The following ZBTB20 variants were observed in gnomAD, a reference collection of about 807,000 sequenced individuals.
ZBTB20 encodes zinc finger and BTB domain-containing protein 20.
Under a neutral mutation model 56.9 loss-of-function variants are expected in ZBTB20, and 9 were observed. The observed-to-expected ratio is 0.16, with a 90% CI of 0.10 to 0.28. ZBTB20 has a LOEUF of 0.28. ZBTB20 is among the 10% of genes least tolerant of loss of function. ZBTB20 has a pLI of 1.00. For missense variants in ZBTB20, 655 were observed against 1,003.0 expected (o/e 0.65, Z 4.69); for synonymous variants, 417 against 420.7 (o/e 0.99, Z 0.11).
chr3:114,714,918 T>C (rs2108459989), intron 5 of ZBTB20, among the ~76,000 whole-genome samples: 1 of 152,320 alleles, frequency 6.6e-6, no homozygotes, highest in Admixed American at 6.5e-5. Flanking sequence ...TTAGAAGACA[T>C]TGTTTTGTTC....
At chr3:114,895,807 C>A (rs1313641964) in intron 4 of ZBTB20, among the ~76,000 whole-genome samples, 1 of 152,028 alleles carries the variant, frequency 6.6e-6, no homozygotes, top group African/African-American at 2.4e-5. Flanking sequence ...CACATATCCA[C>A]CATTAAAAAG....
intron 6 of ZBTB20, among the ~76,000 whole-genome samples, chr3:114,522,246 C>T (rs141259160): frequency 6.6e-6 from 1 of 152,072 alleles, no homozygotes; most frequent in Admixed American, 6.6e-5. Context: ...AGCAAACAAG[C>T]CTTATCTGGG....
rs904066397 is a variant in ZBTB20 at position 114,491,882 on chromosome 3, T to C, written c.-255+8470A>G. Among the ~76,000 whole-genome samples the C allele has an allele frequency of 1.6e-4, 25 of 152,314 alleles. No homozygotes were observed. The East Asian group carries it at 4.6e-3, about 28-fold the overall frequency. ...TCCTCATCCCATTACAAACACGTTA[T>C]TGTTTTGACCACTTCAACAAAACAG... On this transcript the variant is annotated intron_variant, in intron 7 of 11. Coordinates refer to ENST00000675478, the MANE Select transcript of ZBTB20 (RefSeq NM_001348800.3).
intron 6 of ZBTB20, among the ~76,000 whole-genome samples, chr3:114,570,298 T>G (rs977847727): frequency 1.3e-5 from 2 of 151,874 alleles, no homozygotes; most frequent in Non-Finnish European, 2.9e-5. Context: ...TTTTATTTCC[T>G]GACTTAAAAA....
At position 115,063,468 on chromosome 3, in the gene ZBTB20, T is replaced by C. The variant is rs189649752; in HGVS notation, c.-507+7751A>G. ...TGGAAGCAAGCTTCTATAAGGGCAC[T>C]ATTCCCATCTTGAGGGCCCCACCTT... On this transcript the variant is annotated intron_variant, in intron 2 of 11. Coordinates refer to ENST00000675478, the MANE Select transcript of ZBTB20 (RefSeq NM_001348800.3). Among the ~76,000 whole-genome samples, 163 of 152,306 alleles carry C rather than the reference T, an allele frequency of 1.1e-3. 5 individuals are homozygous for C. The East Asian group carries it at 0.027, about 25-fold the overall frequency.
At chr3:115,145,842 G>GGTA (rs1236737152) in intron 1 of ZBTB20, among the ~76,000 whole-genome samples, 5 of 152,156 alleles carry the variant, frequency 3.3e-5, no homozygotes, top group Non-Finnish European at 7.3e-5. Context: ...TTTATAAAAT[G>GGTA]GTAATTGTGT....
At position 114,662,011 on chromosome 3, in the gene ZBTB20, G is replaced by A. The variant is rs529615139; in HGVS notation, c.-295+31517C>T. ...GCTGGTGCACTGCACCCACTAACTC[G>A]TCATCTAGCCTTAGGTATATCTCCC... On this transcript the variant is annotated intron_variant, in intron 6 of 11. Coordinates refer to ENST00000675478, the MANE Select transcript of ZBTB20 (RefSeq NM_001348800.3). Among the ~76,000 whole-genome samples the A allele has an allele frequency of 4.6e-4, 69 of 149,560 alleles. No homozygotes were observed. In the East Asian group the frequency reaches 0.013, roughly 28 times the overall value.
intron 6 of ZBTB20, among the ~76,000 whole-genome samples, chr3:114,605,741 T>G (rs150013260): frequency 6.8e-4 from 103 of 151,624 alleles, no homozygotes; most frequent in Non-Finnish European, 1.2e-3. Context: ...TTTTGAGGAG[T>G]GGGTGCCTTA....
chr3:114,862,048 T>C (rs2075560370), intron 4 of ZBTB20, among the ~76,000 whole-genome samples: 1 of 152,244 alleles, frequency 6.6e-6, no homozygotes, highest in African/African-American at 2.4e-5. Flanking sequence ...TTTTCTTTAA[T>C]GTGGCATACA....
At chr3:114,510,571 C>A (rs1018555582) in intron 6 of ZBTB20, among the ~76,000 whole-genome samples, 3 of 151,952 alleles carry the variant, frequency 2.0e-5, no homozygotes, top group African/African-American at 7.3e-5. Flanking sequence ...CATATGATTT[C>A]TTCCCCCTCA....
rs986126736 is a variant in ZBTB20, at chr3:114,324,311, G to A, written c.*14694C>T. The A allele has an allele frequency of 9.2e-5, 14 of 152,252 alleles. No homozygotes were observed. Among genetic ancestry groups the A allele is most frequent in the Admixed American group, 7.2e-4 (11 of 15,294 alleles). 9.4% of individuals were successfully genotyped at this position (152,252 alleles called of 1,614,324 possible). A position where few individuals can be genotyped will look rare whatever the true frequency, so the allele number is the denominator to read the frequency against. On this transcript the variant is annotated 3_prime_UTR_variant, in exon 12 of 12. Transcript: ENST00000675478. ...GGGAATGGGTTCAGAAAAAGATAAAGCTTTCCTGTTTCTTGAAACACGGTC... is the reference window on the plus strand; with the variant it reads ...GGGAATGGGTTCAGAAAAAGATAAAACTTTCCTGTTTCTTGAAACACGGTC...
intron 2 of ZBTB20, among the ~76,000 whole-genome samples, chr3:115,065,857 T>C (rs540691757): frequency 6.6e-6 from 1 of 152,034 alleles, no homozygotes; most frequent in Non-Finnish European, 1.5e-5. Context: ...CAAATAGATA[T>C]CCCCTTAAAG....
At chr3:114,702,720 A>G (rs577093742) in intron 5 of ZBTB20, among the ~76,000 whole-genome samples, 1 of 150,566 alleles carries the variant, frequency 6.6e-6, no homozygotes, top group East Asian at 2.0e-4. Context: ...TTACTATGTT[A>G]TTTTGGCAAG....
At chr3:115,117,040 T>C (rs923878735) in intron 1 of ZBTB20, among the ~76,000 whole-genome samples, 4 of 152,124 alleles carry the variant, frequency 2.6e-5, no homozygotes, top group African/African-American at 9.6e-5. Context: ...TGCACAACCA[T>C]TGCAAAACAT....
chr3:114,748,330 CTTTCTTCT>C (rs1325720015), intron 5 of ZBTB20, among the ~76,000 whole-genome samples: 9 of 84,228 alleles, frequency 1.1e-4, no homozygotes, highest in African/African-American at 3.7e-4. Context: ...TTCTTTCTTT[CTTTCTTCT>C]TTCTTTCTTT....
At chr3:114,732,387 A>G (rs1436800628) in intron 5 of ZBTB20, among the ~76,000 whole-genome samples, 2 of 152,086 alleles carry the variant, frequency 1.3e-5, no homozygotes, top group African/African-American at 4.8e-5. Flanking sequence ...CATGAACGGT[A>G]TGTTGGTCAG....
chr3:114,566,278 T>C (rs987463712), intron 6 of ZBTB20, among the ~76,000 whole-genome samples: 3 of 152,126 alleles, frequency 2.0e-5, no homozygotes, highest in Admixed American at 6.5e-5. Context: ...TGGGCCACTC[T>C]TCAGAAGGGC....
At chr3:115,097,450 CT>C (rs1325468335) in intron 1 of ZBTB20, among the ~76,000 whole-genome samples, 1 of 151,862 alleles carries the variant, frequency 6.6e-6, no homozygotes, top group African/African-American at 2.4e-5. Context: ...CCAAAGTGCC[CT>C]ATTTTTTTTA....
intron 4 of ZBTB20, among the ~76,000 whole-genome samples, chr3:114,900,007 T>C (rs1448611586): frequency 6.6e-6 from 1 of 152,136 alleles, no homozygotes; most frequent in Non-Finnish European, 1.5e-5. Flanking sequence ...TGACCCCACA[T>C]CACCGTTCAC....
Sources: allele counts gnomAD v4.1 joint callset (sites outside exome capture counted in the v4.1 genomes callset), GRCh38; gene constraint gnomAD v4.1.1; transcripts MANE v1.5; gene names NCBI Gene and HGNC (gene_info 2026-07-23, HGNC 2026-07-21).